GNPDA1: variants seen among roughly 807,000 people sequenced by gnomAD.
The protein encoded by GNPDA1 is glucosamine-6-phosphate deaminase 1.
Under a neutral mutation model 28.5 loss-of-function variants are expected in GNPDA1, and 24 were observed. The observed-to-expected ratio is 0.84, with a 90% confidence interval of 0.61 to 1.19. GNPDA1 has a LOEUF of 1.19. Ranked by LOEUF, GNPDA1 falls within the 50% of genes most tolerant of loss-of-function variation. The pLI is 0.00. For synonymous variants in GNPDA1, 147 were observed against 139.3 expected, an observed-to-expected ratio of 1.06 and a Z score of -0.39; for missense variants, 264 against 367.3, an observed-to-expected ratio of 0.72 and a Z score of 2.30.
chr5:142,009,405 C>T (rs765710566), intron 2 of GNPDA1, among the ~76,000 whole-genome samples: 1 of 152,110 alleles, frequency 6.6e-6, no homozygotes, highest in Non-Finnish European at 1.5e-5. Flanking sequence ...CTATCCTTTC[C>T]TGCTTCATGT....
chr5:142,010,158 G>A (rs148849289), intron 2 of GNPDA1, among the ~76,000 whole-genome samples: 19 of 152,196 alleles, frequency 1.2e-4, no homozygotes, highest in African/African-American at 4.3e-4. Context: ...TTTGGCCTGC[G>A]GCCTTTATTT....
intron 6 of GNPDA1, among the ~76,000 whole-genome samples, chr5:142,002,672 T>G (rs1341225268): frequency 6.6e-6 from 1 of 152,070 alleles, no homozygotes; most frequent in Admixed American, 6.6e-5. Flanking sequence ...GAGAATCACT[T>G]AAGCCCGGGA....
chr5:142,011,234 CAA>C (rs35952167), intron 2 of GNPDA1, among the ~76,000 whole-genome samples: 192 of 115,528 alleles, frequency 1.7e-3, no homozygotes, highest in Non-Finnish European at 1.7e-3. Flanking sequence ...CAAGGAAGAC[CAA>C]AAAAAAAAAA....
chr5:142,003,266 G>A lies in GNPDA1; in HGVS notation c.595-4C>T. ...CACCTGTGATAAGGATCATCACCTG[G>A]GGATCAGAAAACAAGTCTGTGATGG... On this transcript the variant is annotated splice_region_variant and splice_polypyrimidine_tract_variant and intron_variant, in intron 5 of 6. Coordinates refer to ENST00000311337, the MANE Select transcript of GNPDA1 (RefSeq NM_005471.5). This position sits in a 1 kb window ranked among gnomAD's most constrained non-coding sequence, Gnocchi z 4.0. The A allele has an allele frequency of 6.2e-7, 1 of 1,603,692 alleles. No individual in the cohort carries two copies. The highest frequency in any genetic ancestry group is 8.5e-7 in the Non-Finnish European group (1 of 1,172,936).
Position 142,001,846 on chromosome 5 carries a change from A to T in GNPDA1, c.*183T>A. The T allele has an allele frequency of 2.4e-6, 1 of 413,998 alleles. No homozygotes were observed. Among genetic ancestry groups the T allele is most frequent in the East Asian group, 3.6e-5 (1 of 27,896 alleles). 25.6% of individuals were successfully genotyped at this position (413,998 alleles called of 1,614,324 possible). A position where few individuals can be genotyped will look rare whatever the true frequency, so the allele number is the denominator to read the frequency against. On this transcript the variant is annotated 3_prime_UTR_variant, in exon 7 of 7. Transcript: ENST00000311337. ...TATTTTTTTTCTGATTAAGTTACAA[A>T]CATTCTCCCTATAGCTAAACTCCGT...
chr5:142,010,819 T>C (rs1199525280), intron 2 of GNPDA1, among the ~76,000 whole-genome samples: 1 of 152,108 alleles, frequency 6.6e-6, no homozygotes, highest in Non-Finnish European at 1.5e-5. Flanking sequence ...TGGCCTGGTT[T>C]TTACATTTTT....
intron 3 of GNPDA1, among the ~76,000 whole-genome samples, chr5:142,007,520 GAGA>G (rs1397212216): frequency 1.3e-5 from 2 of 152,180 alleles, no homozygotes; most frequent in Non-Finnish European, 2.9e-5. Context: ...GCAGGCAGAG[GAGA>G]AGGAGATACT....
intron 6 of GNPDA1, among the ~76,000 whole-genome samples, chr5:142,002,464 A>G (rs1052699579): frequency 6.6e-6 from 1 of 152,166 alleles, no homozygotes; most frequent in Non-Finnish European, 1.5e-5. Context: ...TTTTAAAGTA[A>G]AAGAAGGGCT....
At chr5:142,011,105 C>T (rs1755941634) in intron 2 of GNPDA1, among the ~76,000 whole-genome samples, 1 of 152,060 alleles carries the variant, frequency 6.6e-6, no homozygotes, top group Admixed American at 6.6e-5. Context: ...CGCCACCATG[C>T]CAGGCTAATT....
chr5:142,003,315 A>C lies in GNPDA1; in HGVS notation c.595-53T>G. 1 of 1,211,374 alleles carries C rather than the reference A, an allele frequency of 8.3e-7. No homozygotes were observed. Among genetic ancestry groups the C allele is most frequent in the South Asian group, 1.3e-5 (1 of 74,792 alleles). The allele number at this position is 1,211,374 out of a possible 1,614,324, so 75.0% of individuals were successfully genotyped here. A position where few individuals can be genotyped will look rare whatever the true frequency, so the allele number is the denominator to read the frequency against. On this transcript the variant is annotated intron_variant, in intron 5 of 6. Coordinates refer to ENST00000311337, the MANE Select transcript of GNPDA1 (RefSeq NM_005471.5). This position sits in a 1 kb window ranked among gnomAD's most constrained non-coding sequence, Gnocchi z 4.0. ...GGAGGGGAGCATTCCAGACACCCTA[A>C]ACAGTTGTAAGGATGATTGTTTTTC...
At chr5:142,002,845 C>T (rs1285655073) in intron 6 of GNPDA1, among the ~76,000 whole-genome samples, 1 of 152,196 alleles carries the variant, frequency 6.6e-6, no homozygotes, top group Admixed American at 6.5e-5. Flanking sequence ...GAGGTCACCA[C>T]ATAGTCCTTG....
Position 142,005,072 on chromosome 5 carries a change from T to G in GNPDA1, c.454A>C (p.Ser152Arg), listed in dbSNP as rs1197977521. The change falls in exon 5 of 7, where the codon AGT becomes CGT. Residue 152 changes from serine to arginine, a missense_variant. By Grantham distance (110) the Ser-to-Arg change is moderately radical. Coordinates refer to ENST00000311337, the MANE Select transcript of GNPDA1 (RefSeq NM_005471.5). Reference sequence around the variant, plus strand: ...TTCACACGGGTCCTGGACACCAGACTGGAGCCTGGCTCGTTGAAGGCAATG... The same window carrying G: ...TTCACACGGGTCCTGGACACCAGACGGGAGCCTGGCTCGTTGAAGGCAATG... ...GHIAFNEPGS[S>R]LVSRTRVKTL... 6.2e-7 allele frequency: 1 copy of G among 1,612,352 alleles called. No individual in the cohort carries two copies.
rs554053494 is a variant in GNPDA1 at position 142,012,046 on chromosome 5, A to C, written c.-6-5T>G. The C allele has an allele frequency of 1.3e-6, 2 of 1,584,228 alleles. No homozygotes were observed. Among genetic ancestry groups the C allele is most frequent in the East Asian group, 2.3e-5 (1 of 44,154 alleles). Reference sequence around the variant, plus strand: ...GATGATGAGCTTCATCTTGTCCTGCAGTGGGGGAGAGGGGATGACAGAAAG... The same window carrying C: ...GATGATGAGCTTCATCTTGTCCTGCCGTGGGGGAGAGGGGATGACAGAAAG... On this transcript the variant is annotated splice_polypyrimidine_tract_variant and splice_region_variant and intron_variant, in intron 1 of 6. Coordinates refer to ENST00000311337, the MANE Select transcript of GNPDA1 (RefSeq NM_005471.5).
At chr5:142,012,187 G>A (rs1016948521) in intron 1 of GNPDA1, 146 bp from the exon 2 acceptor site, 4 of 712,956 alleles carry the variant, frequency 5.6e-6, no homozygotes, top group Non-Finnish European at 8.7e-6. Flanking sequence ...TCTATTCACA[G>A]AGGAGCTAAG....
At chr5:142,007,266 A>T (rs1755831636) in intron 3 of GNPDA1, among the ~76,000 whole-genome samples, 2 of 152,170 alleles carry the variant, frequency 1.3e-5, no homozygotes, top group African/African-American at 2.4e-5. Flanking sequence ...TAAAAAAAGG[A>T]TGTTTAAAAT....
intron 4 of GNPDA1, 145 bp from the exon 5 acceptor site, chr5:142,005,261 C>A: frequency 1.7e-6 from 1 of 600,458 alleles, no homozygotes. Context: ...TGGGCAGGTA[C>A]ACCTTAAACA....
At position 142,001,163 on chromosome 5, in the gene GNPDA1, C is replaced by A. The variant is rs252120; in HGVS notation, c.*866G>T. ...ACTAAACTCACACTTAAGCTGCCTG[C>A]CCAGACCGTCCCCTTGGCTGAACAC... On this transcript the variant is annotated 3_prime_UTR_variant, in exon 7 of 7. Transcript: ENST00000311337. 6.6e-6 allele frequency: 1 copy of A among 152,268 alleles called. No homozygotes were observed. Among genetic ancestry groups the A allele is most frequent in the Non-Finnish European group, 1.5e-5 (1 of 68,040 alleles). 9.4% of individuals were successfully genotyped at this position (152,268 alleles called of 1,614,324 possible).
chr5:142,002,338 A>G (rs1313239652), intron 6 of GNPDA1, among the ~76,000 whole-genome samples: 6 of 152,246 alleles, frequency 3.9e-5, no homozygotes, highest in Non-Finnish European at 7.3e-5. Flanking sequence ...TATAAATTCA[A>G]TCACTATGGG....
chr5:142,006,059 A>T, intron 4 of GNPDA1, 85 bp downstream of exon 4: 3 of 1,118,816 alleles, frequency 2.7e-6, no homozygotes, highest in Non-Finnish European at 3.9e-6. Flanking sequence ...ACCCAGAAGA[A>T]GCTGTCTGCA....
Sources: gnomAD v4.1 joint callset for allele counts (sites outside exome capture counted in the v4.1 genomes callset) on GRCh38, gnomAD v4.1.1 for gene constraint, Gnocchi (gnomAD v3.1) non-coding constraint, MANE v1.5 for transcripts, NCBI Gene and HGNC (gene_info 2026-07-23, HGNC 2026-07-21) for gene names.